Variants in PRKG1 observed in about 807,000 individuals in gnomAD.
The protein encoded by PRKG1 is cGMP-dependent protein kinase 1.
Under a neutral mutation model 88.1 loss-of-function variants are expected in PRKG1, and 35 were observed. The observed-to-expected ratio is 0.40, with a 90% CI of 0.30 to 0.53. The LOEUF is 0.53. PRKG1 is among the 20% of genes least tolerant of loss of function. The probability of loss-of-function intolerance (pLI) is 0.59; values close to 1 mark genes in which losing one functional copy is unlikely to be tolerated. For synonymous variants in PRKG1, 303 were observed against 292.5 expected (o/e 1.04, Z -0.37); for missense variants, 540 against 839.8 (o/e 0.64, Z 4.41).
At chr10:51,428,900 C>A (rs1294834327) in intron 2 of PRKG1, among the ~76,000 whole-genome samples, 1 of 152,140 alleles carries the variant, frequency 6.6e-6, no homozygotes, top group Non-Finnish European at 1.5e-5. Context: ...ACAGGGAGAT[C>A]TAGTGAATAA....
chr10:51,919,124 C>G (rs1469932132), intron 5 of PRKG1, among the ~76,000 whole-genome samples: 1 of 152,144 alleles, frequency 6.6e-6, no homozygotes, highest in Non-Finnish European at 1.5e-5. Flanking sequence ...CTACAGAGTA[C>G]TTCTCTGAAT....
intron 9 of PRKG1, among the ~76,000 whole-genome samples, chr10:52,163,443 C>A (rs919177315): frequency 6.6e-6 from 1 of 151,456 alleles, no homozygotes; most frequent in African/African-American, 2.4e-5. Flanking sequence ...AATTCACGTA[C>A]AATCCAGTTA....
At chr10:51,645,279 C>A (rs921849960) in intron 3 of PRKG1, among the ~76,000 whole-genome samples, 2 of 152,212 alleles carry the variant, frequency 1.3e-5, no homozygotes, top group East Asian at 1.9e-4. Flanking sequence ...TATAAAGCAG[C>A]GTACATTTCA....
intron 5 of PRKG1, among the ~76,000 whole-genome samples, chr10:51,939,089 A>G (rs970345844): frequency 6.6e-6 from 1 of 151,890 alleles, no homozygotes; most frequent in Non-Finnish European, 1.5e-5. Flanking sequence ...TCCTTAGTTT[A>G]TCCTATGAAT....
chr10:51,720,131 A>G (rs1022868868), intron 3 of PRKG1, among the ~76,000 whole-genome samples: 5 of 152,176 alleles, frequency 3.3e-5, no homozygotes, highest in Non-Finnish European at 5.9e-5. Flanking sequence ...GAAAATACAG[A>G]TATAGTCATG....
intron 4 of PRKG1, among the ~76,000 whole-genome samples, chr10:51,860,761 G>A (rs572785776): frequency 2.6e-4 from 40 of 152,270 alleles, no homozygotes; most frequent in Admixed American, 9.8e-4. Flanking sequence ...CCAGTTCAGA[G>A]ATTAGAATTG....
intron 3 of PRKG1, among the ~76,000 whole-genome samples, chr10:51,679,020 G>T (rs1180902777): frequency 6.6e-6 from 1 of 152,096 alleles, no homozygotes; most frequent in Non-Finnish European, 1.5e-5. Flanking sequence ...AATATTTATT[G>T]ATCACCTAGT....
At chr10:51,413,165 G>T (rs949404886) in intron 2 of PRKG1, among the ~76,000 whole-genome samples, 1 of 152,082 alleles carries the variant, frequency 6.6e-6, no homozygotes, top group Admixed American at 6.5e-5. Context: ...CAAACTAAAT[G>T]ATACATTTCT....
chr10:51,923,149 C>T (rs1025602486), intron 5 of PRKG1, among the ~76,000 whole-genome samples: 25 of 151,796 alleles, frequency 1.6e-4, no homozygotes, highest in African/African-American at 5.8e-4. Context: ...ATGTAATGCC[C>T]CTCTTTAGTC....
chr10:51,478,052 A>G (rs1304005691), intron 3 of PRKG1, among the ~76,000 whole-genome samples: 1 of 151,984 alleles, frequency 6.6e-6, no homozygotes, highest in Non-Finnish European at 1.5e-5. Flanking sequence ...AAGGGTATTC[A>G]TCTGTGTTGT....
intron 7 of PRKG1, among the ~76,000 whole-genome samples, chr10:52,079,813 T>G (rs1846723939): frequency 6.6e-6 from 1 of 152,166 alleles, no homozygotes. Flanking sequence ...GTCTTCCAGA[T>G]TATTGAGAAA....
At chr10:51,774,478 A>G (rs2132551158) in intron 3 of PRKG1, among the ~76,000 whole-genome samples, 1 of 152,218 alleles carries the variant, frequency 6.6e-6, no homozygotes, top group South Asian at 2.1e-4. Flanking sequence ...GCCAAAACAT[A>G]TATTCAATTT....
At chr10:51,266,167 T>C (rs1839831536) in intron 2 of PRKG1, among the ~76,000 whole-genome samples, 1 of 152,076 alleles carries the variant, frequency 6.6e-6, no homozygotes, top group Admixed American at 6.6e-5. Context: ...GGTTGGGAAG[T>C]TGGTTGGGGT....
At chr10:51,914,348 T>G (rs768726371) in intron 5 of PRKG1, among the ~76,000 whole-genome samples, 9 of 152,142 alleles carry the variant, frequency 5.9e-5, no homozygotes, top group African/African-American at 1.2e-4. Context: ...AAAAAGCACT[T>G]AAAAGTCAAT....
chr10:51,026,956 G>GC (rs1843214551), intron 1 of PRKG1, among the ~76,000 whole-genome samples: 1 of 152,170 alleles, frequency 6.6e-6, no homozygotes, highest in Admixed American at 6.6e-5. Context: ...TTTCACTAAA[G>GC]CAGGGCTGGA....
chr10:51,156,326 C>T (rs1020122391), intron 2 of PRKG1, among the ~76,000 whole-genome samples: 1 of 151,574 alleles, frequency 6.6e-6, no homozygotes, highest in African/African-American at 2.4e-5. Flanking sequence ...CACACACACC[C>T]GAATGTAACA....
chr10:51,201,945 A>G (rs532783262), intron 2 of PRKG1, among the ~76,000 whole-genome samples: 1 of 152,244 alleles, frequency 6.6e-6, no homozygotes, highest in Non-Finnish European at 1.5e-5. Flanking sequence ...AGAATATACT[A>G]ATGTACTTCA....
intron 5 of PRKG1, among the ~76,000 whole-genome samples, chr10:51,990,047 A>T (rs577263393): frequency 6.6e-6 from 1 of 152,088 alleles, no homozygotes; most frequent in East Asian, 1.9e-4. Context: ...TTGCATGTGG[A>T]TATCCAGTTA....
chr10:52,259,733 A>G (rs1388068825), intron 10 of PRKG1, among the ~76,000 whole-genome samples: 2 of 152,092 alleles, frequency 1.3e-5, no homozygotes, highest in East Asian at 3.9e-4. Context: ...CAAATAAATA[A>G]GTTAAACAAA....
Sources: allele counts gnomAD v4.1 joint callset (sites outside exome capture counted in the v4.1 genomes callset), GRCh38; gene constraint gnomAD v4.1.1; transcripts MANE v1.5; gene names NCBI Gene and HGNC (gene_info 2026-07-23, HGNC 2026-07-21).